Variants in AQP4 observed in about 807,000 individuals in gnomAD.
AQP4 encodes aquaporin-4.
Under a neutral mutation model 27.8 loss-of-function variants are expected in AQP4, and 18 were observed. That is an observed-to-expected ratio of 0.65 (90% CI 0.45 to 0.96). AQP4 has a LOEUF of 0.96. Ranked by LOEUF, AQP4 falls within the 40% of genes least tolerant of loss-of-function variation. The pLI is 0.00. For synonymous variants in AQP4, 141 were observed against 142.9 expected (o/e 0.99, Z 0.10); for missense variants, 412 against 408.2 (o/e 1.01, Z -0.08).
rs1038791128 is a variant in AQP4 at position 26,854,054 on chromosome 18, A to G, written c.*2157T>C. ...AACACACTTGTTTTGAATACATACT[A>G]TGTGCCAGGCTCTCTGCTAGCTACT... On this transcript the variant is annotated 3_prime_UTR_variant, in exon 5 of 5. Coordinates refer to ENST00000383168, the MANE Select transcript of AQP4 (RefSeq NM_001650.7). The G allele has an allele frequency of 6.6e-5, 10 of 152,210 alleles. No homozygotes were observed. Among genetic ancestry groups the G allele is most frequent in the Admixed American group, 2.6e-4 (4 of 15,282 alleles). The allele number at this position is 152,210 out of a possible 1,614,324, so 9.4% of individuals were successfully genotyped here.
intron 1 of AQP4, among the ~76,000 whole-genome samples, chr18:26,863,429 G>T (rs971021272): frequency 9.2e-5 from 14 of 151,954 alleles, no homozygotes; most frequent in African/African-American, 2.7e-4. Flanking sequence ...GCGGCGGCCA[G>T]GTGCACACGC....
intron 3 of AQP4, 46 bp downstream of exon 3, chr18:26,861,085 G>T: frequency 1.2e-6 from 2 of 1,604,096 alleles, no homozygotes; most frequent in Non-Finnish European, 8.5e-7. Context: ...CTAGAGTGAG[G>T]ATAAATGAGG....
intron 4 of AQP4, among the ~76,000 whole-genome samples, chr18:26,859,511 A>C (rs1006871290): frequency 1.1e-4 from 17 of 152,182 alleles, no homozygotes; most frequent in African/African-American, 4.1e-4. Context: ...ACAGAGCAAG[A>C]CTCCATCTCA....
At position 26,852,945 on chromosome 18, in the gene AQP4, C is replaced by G. The variant is rs117796128; in HGVS notation, c.*3266G>C. On this transcript the variant is annotated 3_prime_UTR_variant, in exon 5 of 5. Transcript: ENST00000383168. Reference sequence around the variant, plus strand: ...TCAACATGCTGCAATCAGAGGCCTTCTAGGATTCATCTTACCATTTGAATT... The same window carrying G: ...TCAACATGCTGCAATCAGAGGCCTTGTAGGATTCATCTTACCATTTGAATT... 0.011 allele frequency: 4,480 copies of G among 398,332 alleles called. 41 individuals carry two copies. Among genetic ancestry groups the G allele is most frequent in the Non-Finnish European group, 0.016 (3,521 of 225,876 alleles). 24.7% of individuals were successfully genotyped at this position (398,332 alleles called of 1,614,324 possible). A position where few individuals can be genotyped will look rare whatever the true frequency, so the allele number is the denominator to read the frequency against.
intron 4 of AQP4, among the ~76,000 whole-genome samples, chr18:26,857,679 A>G (rs1358420885): frequency 6.6e-6 from 1 of 152,158 alleles, no homozygotes; most frequent in African/African-American, 2.4e-5. Flanking sequence ...TTGAGTTTGA[A>G]TGAAGTGCAG....
chr18:26,857,238 C>T (rs563166461), intron 4 of AQP4, among the ~76,000 whole-genome samples: 60 of 151,944 alleles, frequency 3.9e-4, no homozygotes, highest in Non-Finnish European at 6.3e-4. Context: ...GCGGTTCTCA[C>T]GATGGCTTGG....
rs573700853 is a variant in AQP4 at position 26,863,591 on chromosome 18, G to A, written c.33-995C>T. Among the ~76,000 whole-genome samples the A allele has an allele frequency of 1.8e-3, 274 of 152,264 alleles. 3 individuals carry two copies. The highest frequency in any genetic ancestry group is 3.4e-3 in the Middle Eastern group (1 of 294). On this transcript the variant is annotated intron_variant, in intron 1 of 4. Coordinates refer to ENST00000383168, the MANE Select transcript of AQP4 (RefSeq NM_001650.7). ...CCTCTCTCACCCCTTGACCCTGACC[G>A]TACAATGCAGATAAACCTGCCAAAG...
chr18:26,864,369 A>T (rs1476357845), intron 1 of AQP4, among the ~76,000 whole-genome samples: 3 of 152,116 alleles, frequency 2.0e-5, no homozygotes, highest in Admixed American at 2.0e-4. Flanking sequence ...TTTCTTGCCC[A>T]GGCCCGGGTG....
At position 26,853,930 on chromosome 18, in the gene AQP4, GA is replaced by G. The variant is rs2144941597; in HGVS notation, c.*2280del. The stretch of plus-strand genomic sequence containing the variant: ...ATATTGCCTTCCTTTAGTAGTCCTT[GA>G]AATCATACTTCCTATTAAATATTGA... On this transcript the variant is annotated 3_prime_UTR_variant, in exon 5 of 5. Coordinates refer to ENST00000383168, the MANE Select transcript of AQP4 (RefSeq NM_001650.7). 1 of 152,152 alleles carries G rather than the reference GA, an allele frequency of 6.6e-6. No individual in the cohort carries two copies. Among genetic ancestry groups the G allele is most frequent in the South Asian group, 2.1e-4 (1 of 4,804 alleles). 9.4% of individuals were successfully genotyped at this position (152,152 alleles called of 1,614,324 possible).
chr18:26,860,364 T>G (rs1354270503), intron 4 of AQP4, among the ~76,000 whole-genome samples: 1 of 152,208 alleles, frequency 6.6e-6, no homozygotes, highest in East Asian at 1.9e-4. Flanking sequence ...CTTTCTCTTT[T>G]TTTTGCAATT....
In AQP4 at chr18:26,862,474, C is replaced by T; in HGVS notation, c.155G>A (p.Ser52Asn). The change falls in exon 2 of 5, where the codon AGC becomes AAC. Residue 52 changes from serine to asparagine, a missense_variant. Transcript: ENST00000383168. ...FLAMLIFVLL[S>N]LGSTINWGGT... ...ACCCCAGTTGATGGTGGATCCCAGG[C>T]TGAGGAGAACAAAAATAAGCATGGC... 3 of 1,614,186 alleles carry T rather than the reference C, an allele frequency of 1.9e-6. No homozygotes were observed. Among genetic ancestry groups the T allele is most frequent in the Non-Finnish European group, 2.5e-6 (3 of 1,180,032 alleles).
Position 26,856,250 on chromosome 18 carries a change from C to G in AQP4, c.933G>C (p.Lys311Asn). ...ATACCTCTCCAGATTGGTCTTTCCC[C>G]TTCTTCTCCTCTCCCCGGTCAACGT... The part of the protein sequence containing the change: ...VIDVDRGEEK[K>N]GKDQSGEVLS... Residue 311 changes from lysine (K) to asparagine (N), a missense_variant, in exon 5 of 5, where the codon AAG (lysine) becomes AAC (asparagine). Transcript: ENST00000383168. 2 of 1,614,166 alleles carry G rather than the reference C, an allele frequency of 1.2e-6. No homozygotes were observed. Among genetic ancestry groups the G allele is most frequent in the Non-Finnish European group, 1.7e-6 (2 of 1,180,032 alleles).
chr18:26,859,044 G>A (rs1297189087), intron 4 of AQP4, among the ~76,000 whole-genome samples: 1 of 152,170 alleles, frequency 6.6e-6, no homozygotes, highest in Admixed American at 6.5e-5. Flanking sequence ...GCAACTTTTA[G>A]TTTAATCAAC....
At chr18:26,860,720 A>AGG in intron 4 of AQP4, 52 bp downstream of exon 4, 1 of 1,482,948 alleles carries the variant, frequency 6.7e-7, no homozygotes, top group South Asian at 1.1e-5. Context: ...AGAGCCCCAC[A>AGG]GGTAATTGTC....
In AQP4 at chr18:26,855,912, C is replaced by G. The variant is rs1469894098; in HGVS notation, c.*299G>C. The G allele has an allele frequency of 2.7e-6, 1 of 376,276 alleles. No homozygotes were observed. Among genetic ancestry groups the G allele is most frequent in the African/African-American group, 2.1e-5 (1 of 48,144 alleles). 23.3% of individuals were successfully genotyped at this position (376,276 alleles called of 1,614,324 possible). A position where few individuals can be genotyped will look rare whatever the true frequency, so the allele number is the denominator to read the frequency against. On this transcript the variant is annotated 3_prime_UTR_variant, in exon 5 of 5. Coordinates refer to ENST00000383168, the MANE Select transcript of AQP4 (RefSeq NM_001650.7). ...TTGAGTTCTGTCAGGCAAGACTTAA[C>G]CAAATCTTGACACACGGTTAAAATT...
upstream of AQP4, chr18:26,865,735 C>A: frequency 1.2e-6 from 2 of 1,612,730 alleles, no homozygotes; most frequent in Non-Finnish European, 1.7e-6. Context: ...CCCCGCAGCT[C>A]CCTGTGTGCT....
chr18:26,859,592 G>T (rs548282245), intron 4 of AQP4, among the ~76,000 whole-genome samples: 1 of 152,330 alleles, frequency 6.6e-6, no homozygotes, highest in South Asian at 2.1e-4. Flanking sequence ...AACAGTTTTT[G>T]AGACATAAAT....
At chr18:26,860,270 CA>C (rs2144961512) in intron 4 of AQP4, among the ~76,000 whole-genome samples, 1 of 152,308 alleles carries the variant, frequency 6.6e-6, no homozygotes, top group South Asian at 2.1e-4. Flanking sequence ...TTGCAACTTA[CA>C]TACTATTAAT....
intron 1 of AQP4, 122 bp from the exon 2 acceptor site, chr18:26,862,718 C>T (rs1233042577): frequency 2.3e-6 from 3 of 1,307,122 alleles, no homozygotes; most frequent in African/African-American, 2.9e-5. Flanking sequence ...GTGATTTGCA[C>T]ACCAAGAAAG....
Sources: allele counts gnomAD v4.1 joint callset (sites outside exome capture counted in the v4.1 genomes callset), GRCh38; gene constraint gnomAD v4.1.1; transcripts MANE v1.5; gene names NCBI Gene and HGNC (gene_info 2026-07-23, HGNC 2026-07-21).